The following NXNL2 variants were observed in gnomAD, a reference collection of about 807,000 sequenced individuals.
NXNL2 encodes the protein nucleoredoxin-like protein 2.
A neutral mutation model predicts 11.1 loss-of-function variants in NXNL2; 7 were observed. That is an observed-to-expected ratio of 0.63 (90% CI 0.36 to 1.18). The LOEUF is 1.18. Among genes scored for constraint, NXNL2 ranks in the 50% most tolerant of loss-of-function variants. The pLI is 0.02. For missense variants in NXNL2, 233 were observed against 217.7 expected, an observed-to-expected ratio of 1.07 and a Z score of -0.44; for synonymous variants, 109 against 101.8, an observed-to-expected ratio of 1.07 and a Z score of -0.42.
chr9:88,542,275 A>C (rs1042147919), intron 1 of NXNL2, among the ~76,000 whole-genome samples: 17 of 151,820 alleles, frequency 1.1e-4, no homozygotes, highest in African/African-American at 4.1e-4. Context: ...CGAACGAACA[A>C]AAAAATATAT....
chr9:88,549,157 T>C (rs1829892517), downstream of NXNL2, among the ~76,000 whole-genome samples: 1 of 151,696 alleles, frequency 6.6e-6, no homozygotes, highest in South Asian at 2.1e-4. Flanking sequence ...GCTATCCAGG[T>C]TTCCTCTCGA....
chr9:88,548,010 T>TC (rs1319020610), downstream of NXNL2, among the ~76,000 whole-genome samples: 5 of 145,206 alleles, frequency 3.4e-5, no homozygotes, highest in Non-Finnish European at 6.0e-5. Context: ...AGAGCGAAAC[T>TC]CCATCTTAAA....
At position 88,535,543 on chromosome 9, in the gene NXNL2, C is replaced by T. The variant is rs748136116; in HGVS notation, c.109C>T (p.Arg37Trp). Residue 37 changes from arginine to tryptophan, a missense_variant, in exon 1 of 2, where the codon CGG becomes TGG. Physicochemically the swap from Arg to Trp is moderately radical, Grantham distance 101. Coordinates refer to ENST00000375854, the MANE Select transcript of NXNL2 (RefSeq NM_001161625.2). ...GGTGGCACTGTACTTCGCGGCGGCC[C>T]GGTGCGCGCCGAGCCGCGACTTCAC... ...KVVALYFAAA[R>W]CAPSRDFTPL... 5.6e-6 allele frequency: 9 copies of T among 1,604,884 alleles called. No individual in the cohort carries two copies. Among genetic ancestry groups the T allele is most frequent in the Non-Finnish European group, 7.6e-6 (9 of 1,178,088 alleles).
intron 2 of NXNL2, among the ~76,000 whole-genome samples, chr9:88,572,453 C>T (rs1350431438): frequency 6.6e-6 from 1 of 152,174 alleles, no homozygotes; most frequent in Non-Finnish European, 1.5e-5. Context: ...AGCGGCTCCT[C>T]CTGCAGCTGG....
chr9:88,557,591 C>A (rs569201178), intron 1 of NXNL2, among the ~76,000 whole-genome samples: 25 of 152,312 alleles, frequency 1.6e-4, no homozygotes, highest in African/African-American at 5.8e-4. Context: ...AGTGGAGCCA[C>A]CAACAGCTAA....
chr9:88,551,722 G>A (rs1281979274), intron 1 of NXNL2, among the ~76,000 whole-genome samples: 3 of 152,132 alleles, frequency 2.0e-5, no homozygotes, highest in Non-Finnish European at 4.4e-5. Context: ...GCTTGTTAAC[G>A]CTGAGCTCCC....
chr9:88,539,239 A>G (rs1829696512), intron 1 of NXNL2, among the ~76,000 whole-genome samples: 2 of 151,854 alleles, frequency 1.3e-5, no homozygotes, highest in East Asian at 1.9e-4. Flanking sequence ...TGCTCCTGGG[A>G]CCCCATATTG....
downstream of NXNL2, among the ~76,000 whole-genome samples, chr9:88,549,118 A>G (rs1447358107): frequency 5.9e-5 from 9 of 152,228 alleles, no homozygotes; most frequent in Admixed American, 1.3e-4. Flanking sequence ...GACAGCGCCT[A>G]TAAGTAGTCT....
chr9:88,574,394 C>T (rs993482763), intron 2 of NXNL2, among the ~76,000 whole-genome samples: 4 of 152,088 alleles, frequency 2.6e-5, no homozygotes, highest in African/African-American at 9.7e-5. Flanking sequence ...CAGGGCACAG[C>T]TTAGTTTTAT....
At chr9:88,552,464 A>G (rs571972799) in intron 1 of NXNL2, among the ~76,000 whole-genome samples, 1 of 146,270 alleles carries the variant, frequency 6.8e-6, no homozygotes, top group Admixed American at 6.8e-5. Flanking sequence ...TTCTGCTTTA[A>G]ACATGCATGT....
At chr9:88,583,952 A>G (rs1830435130) in intron 1 of NXNL2, 1 of 152,202 alleles carries the variant, frequency 6.6e-6, no homozygotes, top group South Asian at 2.1e-4. Flanking sequence ...TGAGAAAGTA[A>G]TTTTCTTTTA....
In NXNL2 at chr9:88,544,479, G is replaced by C. The variant is rs748931914; in HGVS notation, c.403G>C (p.Glu135Gln). 1 of 1,551,688 alleles carries C rather than the reference G, an allele frequency of 6.4e-7. No individual in the cohort carries two copies. Among genetic ancestry groups the C allele is most frequent in the South Asian group, 1.2e-5 (1 of 84,042 alleles). ...CAACAAAGGGCGGAAGCAGATCCGG[G>C]AACGGGGGTTGGCCTGCTTCCAGGA... The part of the protein sequence containing the change: ...ITNKGRKQIR[E>Q]RGLACFQDWV... The change falls in exon 2 of 2, where the codon GAA becomes CAA. Residue 135 changes from glutamate to glutamine, a missense_variant. Physicochemically the swap from Glu to Gln is conservative, Grantham distance 29. Transcript: ENST00000375854.
At chr9:88,539,432 C>T (rs990489288) in intron 1 of NXNL2, among the ~76,000 whole-genome samples, 2 of 152,170 alleles carry the variant, frequency 1.3e-5, no homozygotes, top group Admixed American at 6.5e-5. Flanking sequence ...GTCCTCATGG[C>T]CTTGGGGAAG....
intron 1 of NXNL2, among the ~76,000 whole-genome samples, chr9:88,542,515 C>G (rs1168193594): frequency 6.6e-6 from 1 of 151,894 alleles, no homozygotes; most frequent in Non-Finnish European, 1.5e-5. Flanking sequence ...GTCTCAAACT[C>G]CTGACTTCAT....
At chr9:88,564,272 A>ATCTG (rs1830132968) in intron 1 of NXNL2, among the ~76,000 whole-genome samples, 1 of 127,900 alleles carries the variant, frequency 7.8e-6, no homozygotes, top group African/African-American at 3.0e-5. Flanking sequence ...CTATCTGTCT[A>ATCTG]TCTATCTATC....
downstream of NXNL2, among the ~76,000 whole-genome samples, chr9:88,549,451 C>T (rs565248233): frequency 1.8e-4 from 28 of 152,330 alleles, no homozygotes; most frequent in African/African-American, 5.3e-4. Flanking sequence ...TTTGAAGCCT[C>T]CTGAGTCTGA....
rs191948869 is a variant in NXNL2 at position 88,552,633 on chromosome 9, G to A, written c.302+16897G>A. On this transcript the variant is annotated intron_variant, in intron 1 of 2. Transcript: ENST00000375855. The stretch of plus-strand genomic sequence containing the variant: ...CTACAGGTGCCCACCACCACGCCCA[G>A]CTAATTTTTGTATTTTTAGTAGAGA... Among the ~76,000 whole-genome samples, 579 of 152,112 alleles carry A rather than the reference G, an allele frequency of 3.8e-3. 3 individuals are homozygous for A. Among genetic ancestry groups the A allele is most frequent in the African/African-American group, 0.013 (546 of 41,504 alleles).
chr9:88,538,379 C>G, intron 1 of NXNL2: 1 of 152,234 alleles, frequency 6.6e-6, no homozygotes, highest in East Asian at 1.9e-4. Context: ...ACTCAAAGAG[C>G]TTGAACAGTA....
chr9:88,552,055 G>A (rs1246035391), intron 1 of NXNL2, among the ~76,000 whole-genome samples: 1 of 152,140 alleles, frequency 6.6e-6, no homozygotes, highest in Non-Finnish European at 1.5e-5. Flanking sequence ...CCTTATAGGT[G>A]CCTGTATTAC....
Sources: gnomAD v4.1 joint callset for allele counts (sites outside exome capture counted in the v4.1 genomes callset) on GRCh38, gnomAD v4.1.1 for gene constraint, MANE v1.5 for transcripts, NCBI Gene and HGNC (gene_info 2026-07-23, HGNC 2026-07-21) for gene names.